Variants in OR52E6 observed in about 807,000 individuals in gnomAD.
OR52E6 encodes the protein olfactory receptor family 52 subfamily E member 6.
For synonymous variants in OR52E6, 173 were observed against 137.3 expected, an observed-to-expected ratio of 1.26 and a Z score of -1.82; for missense variants, 419 against 381.5, an observed-to-expected ratio of 1.10 and a Z score of -0.82.
rs1348550544 is a variant in OR52E6, at chr11:5,841,778, T to C, written c.120A>G (p.Ala40=). The stretch of plus-strand genomic sequence containing the variant: ...AGAAGATAGCAGCATTTCCCAGGAG[T>C]GCAATAAGATACACAGAGAAAAAAG... ...GFPFFSVYLI[A]LLGNAAIFFV... Residue 40 remains alanine, a synonymous_variant, in exon 1 of 1, where the codon GCA becomes GCG. Transcript: ENST00000329322. 6.2e-7 allele frequency: 1 copy of C among 1,613,470 alleles called. No individual in the cohort carries two copies. Among genetic ancestry groups the C allele is most frequent in the Admixed American group, 1.7e-5 (1 of 59,946 alleles).
Position 5,841,008 on chromosome 11 carries a change from G to T in OR52E6, c.890C>A (p.Thr297Asn). Residue 297 changes from threonine (T) to asparagine (N), a missense_variant, in exon 1 of 1, where the codon ACC (threonine) becomes AAC (asparagine). Physicochemically the swap from Thr to Asn is moderately conservative, Grantham distance 65 (BLOSUM62 0). Transcript: ENST00000329322. ...CAGCACTGTCTCCCTAATATGTTTG[G>T]TTCTGACCCCATAGATTACAGGATT... ...TLNPVIYGVR[T>N]KHIRETVLRI... is the part of the protein sequence containing the mutation. 6.2e-7 allele frequency: 1 copy of T among 1,607,316 alleles called. No individual in the cohort carries two copies.
rs1411590329 is a variant in OR52E6 at position 5,841,256 on chromosome 11, A to G, written c.642T>C (p.Leu214=). The G allele has an allele frequency of 6.2e-7, 1 of 1,613,892 alleles. No homozygotes were observed. The highest frequency in any genetic ancestry group is 8.5e-7 in the Non-Finnish European group (1 of 1,180,008). Residue 214 remains leucine (L), a synonymous_variant, in exon 1 of 1, where the codon CTT becomes CTC. Coordinates refer to ENST00000329322, the MANE Select transcript of OR52E6 (RefSeq NM_001005167.2). ...GGATCCTGATATGGGAGAGAATAAT[A>G]AGGAGCACATCCAATAACAAGAGAG... ...SISLLLLDVL[L]IILSHIRILY...
rs776752032 is a variant in OR52E6 at position 5,841,247 on chromosome 11, G to C, written c.651C>G (p.Leu217=). The change falls in exon 1 of 1, where the codon CTC becomes CTG. Residue 217 remains leucine, a synonymous_variant. Coordinates refer to ENST00000329322, the MANE Select transcript of OR52E6 (RefSeq NM_001005167.2). ...CAGCATAGAGGATCCTGATATGGGA[G>C]AGAATAATAAGGAGCACATCCAATA... The part of the protein sequence containing the change: ...LLLLDVLLII[L]SHIRILYAVF... 1.1e-5 allele frequency: 18 copies of C among 1,613,988 alleles called. No homozygotes were observed. The highest frequency in any genetic ancestry group is 1.4e-5 in the Non-Finnish European group (16 of 1,179,984).
Position 5,841,008 on chromosome 11 carries a change from G to A in OR52E6, c.890C>T (p.Thr297Ile), listed in dbSNP as rs61739213. 303 of 1,607,316 alleles carry A rather than the reference G, an allele frequency of 1.9e-4. 2 individuals carry two copies. Among genetic ancestry groups the A allele is most frequent in the Middle Eastern group, 1.7e-4 (1 of 6,014 alleles). ...TLNPVIYGVR[T>I]KHIRETVLRI... ...CAGCACTGTCTCCCTAATATGTTTG[G>A]TTCTGACCCCATAGATTACAGGATT... is the stretch of plus-strand genomic sequence containing the variant. The change falls in exon 1 of 1, where the codon ACC becomes ATC. Residue 297 changes from threonine to isoleucine, a missense_variant. Transcript: ENST00000329322.
rs554722938 is a variant in OR52E6 at position 5,841,479 on chromosome 11, C to A, written c.419G>T (p.Ser140Ile). The A allele has an allele frequency of 1.2e-5, 20 of 1,614,072 alleles. 1 individual carries two copies. The South Asian group carries it at 2.0e-4, about 16-fold the overall frequency. Residue 140 changes from serine (S) to isoleucine (I), a missense_variant, in exon 1 of 1, where the codon AGC (serine) becomes ATC (isoleucine). Coordinates refer to ENST00000329322, the MANE Select transcript of OR52E6 (RefSeq NM_001005167.2). ...KPLWYTMILT[S>I]KIISLIAGIA... ...GCCTGCAATGAGGCTGATGATTTTG[C>A]TGGTGAGGATCATGGTGTACCAAAG... is the stretch of plus-strand genomic sequence containing the variant.
Position 5,841,434 on chromosome 11 carries a change from A to T in OR52E6, c.464T>A (p.Leu155Ter), listed in dbSNP as rs1846610523. 1 of 1,614,066 alleles carries T rather than the reference A, an allele frequency of 6.2e-7. No homozygotes were observed. Among genetic ancestry groups the T allele is most frequent in the African/African-American group, 1.3e-5 (1 of 74,940 alleles). ...LIAGIAVLRS[L>*]YMVIPLVFLL... Reference sequence around the variant, plus strand: ...AAACACCAGTGGAATGACCATGTACAAGCTCCTCAGGACAGCAATGCCTGC... The same window carrying T: ...AAACACCAGTGGAATGACCATGTACTAGCTCCTCAGGACAGCAATGCCTGC... The change falls in exon 1 of 1, where the codon TTG becomes TAG. Residue 155 changes from leucine to a stop codon, truncating the protein, a stop_gained. Coordinates refer to ENST00000329322, the MANE Select transcript of OR52E6 (RefSeq NM_001005167.2). LOFTEE classifies it low-confidence loss of function (END_TRUNC).
rs767838749 is a variant in OR52E6, at chr11:5,841,795, A to G, written c.103T>C (p.Ser35Pro). Residue 35 changes from serine (S) to proline (P), a missense_variant, in exon 1 of 1, where the codon TCT becomes CCT. Transcript: ENST00000329322. Reference sequence around the variant, plus strand: ...CCCAGGAGTGCAATAAGATACACAGAGAAAAAAGGGAATCCAATCCAGATG... The same window carrying G: ...CCCAGGAGTGCAATAAGATACACAGGGAAAAAAGGGAATCCAATCCAGATG... ...VHIWIGFPFF[S>P]VYLIALLGNA... 1.1e-5 allele frequency: 17 copies of G among 1,613,908 alleles called. No individual in the cohort carries two copies. Among genetic ancestry groups the G allele is most frequent in the Non-Finnish European group, 1.2e-5 (14 of 1,179,862 alleles).
chr11:5,841,795 A>T lies in OR52E6; in HGVS notation c.103T>A (p.Ser35Thr). 6.2e-7 allele frequency: 1 copy of T among 1,613,908 alleles called. No individual in the cohort carries two copies. Among genetic ancestry groups the T allele is most frequent in the Non-Finnish European group, 8.5e-7 (1 of 1,179,862 alleles). The change falls in exon 1 of 1, where the codon TCT (serine) becomes ACT (threonine). Residue 35 changes from serine (S) to threonine (T), a missense_variant. Coordinates refer to ENST00000329322, the MANE Select transcript of OR52E6 (RefSeq NM_001005167.2). ...CCCAGGAGTGCAATAAGATACACAG[A>T]GAAAAAAGGGAATCCAATCCAGATG... ...VHIWIGFPFF[S>T]VYLIALLGNA...
chr11:5,841,396 A>G lies in OR52E6; in HGVS notation c.502T>C (p.Leu168=). The change falls in exon 1 of 1, where the codon TTG becomes CTG. Residue 168 remains leucine (L), a synonymous_variant. Coordinates refer to ENST00000329322, the MANE Select transcript of OR52E6 (RefSeq NM_001005167.2). The stretch of plus-strand genomic sequence containing the variant: ...ATGATACGATGTCCACAGAAGGGCA[A>G]CCTTAAGAGGAGAAACACCAGTGGA... ...VIPLVFLLLR[L]PFCGHRIIPH... 4 of 1,614,178 alleles carry G rather than the reference A, an allele frequency of 2.5e-6. No homozygotes were observed. Among genetic ancestry groups the G allele is most frequent in the Non-Finnish European group, 3.4e-6 (4 of 1,180,028 alleles).
Position 5,841,012 on chromosome 11 carries a change from T to C in OR52E6, c.886A>G (p.Arg296Gly). The C allele has an allele frequency of 6.2e-7, 1 of 1,608,774 alleles. No individual in the cohort carries two copies. The change falls in exon 1 of 1, where the codon AGA (arginine) becomes GGA (glycine). Residue 296 changes from arginine (R) to glycine (G), a missense_variant. Physicochemically the swap from Arg to Gly is moderately radical, Grantham distance 125 (BLOSUM62 -2). Transcript: ENST00000329322. Reference protein sequence around the residue: ...PTLNPVIYGVRTKHIRETVLR... With the variant: ...PTLNPVIYGVGTKHIRETVLR... ...ACTGTCTCCCTAATATGTTTGGTTC[T>C]GACCCCATAGATTACAGGATTGAGG...
At position 5,841,543 on chromosome 11, in the gene OR52E6, C is replaced by T. The variant is rs1163926484; in HGVS notation, c.355G>A (p.Ala119Thr). Residue 119 changes from alanine to threonine, a missense_variant, in exon 1 of 1, where the codon GCC (alanine) becomes ACC (threonine). By Grantham distance (58) the Ala-to-Thr change is moderately conservative (BLOSUM62 0). Coordinates refer to ENST00000329322, the MANE Select transcript of OR52E6 (RefSeq NM_001005167.2). ...GCAATGTAGCGGTCAAAGGCCATGG[C>T]CACCAATACGATGCTCTCCATGACA... ...FTVMESIVLVAMAFDRYIAIC... is the reference protein window; with the variant it reads ...FTVMESIVLVTMAFDRYIAIC... The T allele has an allele frequency of 4.3e-6, 7 of 1,613,992 alleles. No individual in the cohort carries two copies. The African/African-American group carries it at 8.0e-5, about 18-fold the overall frequency.
rs1419813225 is a variant in OR52E6 at position 5,841,826 on chromosome 11, A to G, written c.72T>C (p.Asp24=). The part of the protein sequence containing the change: ...FLLLGIPGLE[D]VHIWIGFPFF... ...AAGGGAATCCAATCCAGATGTGCAC[A>G]TCTTCTAGCCCTGGGATACCCAGCA... Residue 24 remains aspartate, a synonymous_variant, in exon 1 of 1, where the codon GAT becomes GAC. Transcript: ENST00000329322. 1 of 1,613,764 alleles carries G rather than the reference A, an allele frequency of 6.2e-7. No individual in the cohort carries two copies. The highest frequency in any genetic ancestry group is 8.5e-7 in the Non-Finnish European group (1 of 1,179,858).
chr11:5,841,744 G>C lies in OR52E6; in HGVS notation c.154C>G (p.Gln52Glu), dbSNP rs565704528. The C allele has an allele frequency of 1.2e-6, 2 of 1,613,808 alleles. No individual in the cohort carries two copies. The highest frequency in any genetic ancestry group is 1.7e-5 in the Admixed American group (1 of 59,984). ...LGNAAIFFVI[Q>E]TEQSLHEPMY... ...GGCTCATGGAGACTCTGCTCAGTTT[G>C]GATCACAAAGAAGATAGCAGCATTT... The change falls in exon 1 of 1, where the codon CAA (glutamine) becomes GAA (glutamate). Residue 52 changes from glutamine (Q) to glutamate (E), a missense_variant. Gln to Glu is a conservative substitution (Grantham distance 29). Transcript: ENST00000329322.
At position 5,841,171 on chromosome 11, in the gene OR52E6, C is replaced by T; in HGVS notation, c.727G>A (p.Gly243Ser). 2 of 1,613,664 alleles carry T rather than the reference C, an allele frequency of 1.2e-6. No homozygotes were observed. The highest frequency in any genetic ancestry group is 1.7e-6 in the Non-Finnish European group (2 of 1,179,844). Residue 243 changes from glycine to serine, a missense_variant, in exon 1 of 1, where the codon GGC becomes AGC. Physicochemically the swap from Gly to Ser is moderately conservative, Grantham distance 56 (BLOSUM62 0). Transcript: ENST00000329322. ...EARLKALNTC[G>S]SHIGVILAFS... ...GCTAAGATAACACCAATGTGAGAGC[C>T]ACAGGTGTTGAGAGCTTTGAGTCGA...
chr11:5,841,024 T>C lies in OR52E6; in HGVS notation c.874A>G (p.Ile292Val). Residue 292 changes from isoleucine (I) to valine (V), a missense_variant, in exon 1 of 1, where the codon ATC becomes GTC. By Grantham distance (29) the Ile-to-Val change is conservative. Coordinates refer to ENST00000329322, the MANE Select transcript of OR52E6 (RefSeq NM_001005167.2). ...VVVPPTLNPV[I>V]YGVRTKHIRE... The stretch of plus-strand genomic sequence containing the variant: ...ATATGTTTGGTTCTGACCCCATAGA[T>C]TACAGGATTGAGGGTGGGAGGAACA... The C allele has an allele frequency of 6.2e-7, 1 of 1,612,002 alleles. No homozygotes were observed. The highest frequency in any genetic ancestry group is 8.5e-7 in the Non-Finnish European group (1 of 1,179,070).
Position 5,841,417 on chromosome 11 carries a change from G to A in OR52E6, c.481C>T (p.Leu161=), listed in dbSNP as rs775958719. ...GGCAACCTTAAGAGGAGAAACACCA[G>A]TGGAATGACCATGTACAAGCTCCTC... ...VLRSLYMVIP[L]VFLLLRLPFC... Residue 161 remains leucine, a synonymous_variant, in exon 1 of 1, where the codon CTG becomes TTG. Coordinates refer to ENST00000329322, the MANE Select transcript of OR52E6 (RefSeq NM_001005167.2). 44 of 1,614,204 alleles carry A rather than the reference G, an allele frequency of 2.7e-5. No individual in the cohort carries two copies. The East Asian group carries it at 9.1e-4, about 34-fold the overall frequency.
chr11:5,841,087 G>A lies in OR52E6; in HGVS notation c.811C>T (p.Gln271Ter), dbSNP rs1846605014. The A allele has an allele frequency of 1.9e-6, 3 of 1,613,826 alleles. No homozygotes were observed. In the East Asian group the frequency reaches 6.7e-5, roughly 36 times the overall value. Residue 271 changes from glutamine (Q) to a stop codon, truncating the protein, a stop_gained, in exon 1 of 1, where the codon CAA becomes TAA. Coordinates refer to ENST00000329322, the MANE Select transcript of OR52E6 (RefSeq NM_001005167.2). LOFTEE classifies it low-confidence loss of function (END_TRUNC). ...TTAGCCAAGAAAATGTGGATATATT[G>A]GGGAATATCATGGCCAAAGCAGTGT... is the stretch of plus-strand genomic sequence containing the variant. ...FTHCFGHDIP[Q>*]YIHIFLANLY...
At position 5,841,719 on chromosome 11, in the gene OR52E6, G is replaced by C. The variant is rs766523236; in HGVS notation, c.179C>G (p.Pro60Arg). 1.9e-6 allele frequency: 3 copies of C among 1,613,748 alleles called. No individual in the cohort carries two copies. The highest frequency in any genetic ancestry group is 2.5e-6 in the Non-Finnish European group (3 of 1,179,798). Residue 60 changes from proline (P) to arginine (R), a missense_variant, in exon 1 of 1, where the codon CCC (proline) becomes CGC (arginine). Physicochemically the swap from Pro to Arg is moderately radical, Grantham distance 103 (BLOSUM62 -2). Transcript: ENST00000329322. ...CAACATGGCCAGGCAGTAGTACATG[G>C]GCTCATGGAGACTCTGCTCAGTTTG... ...VIQTEQSLHE[P>R]MYYCLAMLDS...
In OR52E6 at chr11:5,841,750, CAAA is replaced by C; in HGVS notation, c.145_147del (p.Phe49del). On this transcript the variant is annotated inframe_deletion, in exon 1 of 1. Transcript: ENST00000329322. ...TGGAGACTCTGCTCAGTTTGGATCACAAAGAAGATAGCAGCATTTCCCAGGAGT... is the reference window on the plus strand; with the variant it reads ...TGGAGACTCTGCTCAGTTTGGATCACGAAGATAGCAGCATTTCCCAGGAGT... The C allele has an allele frequency of 6.2e-7, 1 of 1,613,778 alleles. No homozygotes were observed. Among genetic ancestry groups the C allele is most frequent in the Non-Finnish European group, 8.5e-7 (1 of 1,179,832 alleles).
Sources: allele counts gnomAD v4.1 joint callset, GRCh38; gene constraint gnomAD v4.1.1; transcripts MANE v1.5; gene names NCBI Gene and HGNC (gene_info 2026-07-23, HGNC 2026-07-21).